KDM5A: variants seen among roughly 807,000 people sequenced by gnomAD.
KDM5A encodes lysine demethylase 5A.
Under a neutral mutation model 193.5 loss-of-function variants are expected in KDM5A, and 42 were observed. That is an observed-to-expected ratio of 0.22 (90% CI 0.17 to 0.28). The LOEUF is 0.28. Among genes scored for constraint, KDM5A ranks in the 10% least tolerant of loss-of-function variants. KDM5A has a pLI of 1.00. For synonymous variants in KDM5A, 796 were observed against 718.1 expected, an observed-to-expected ratio of 1.11 and a Z score of -1.73; for missense variants, 1,692 against 2,055.1, an observed-to-expected ratio of 0.82 and a Z score of 3.42.
chr12:383,959 C>G, intron 3 of KDM5A, 72 bp downstream of exon 3: 1 of 1,482,404 alleles, frequency 6.7e-7, no homozygotes, highest in Non-Finnish European at 9.4e-7. Flanking sequence ...AGCAATGTTT[C>G]CTACCAAATC....
At chr12:360,876 A>G (rs1299102957) in intron 5 of KDM5A, among the ~76,000 whole-genome samples, 4 of 152,166 alleles carry the variant, frequency 2.6e-5, no homozygotes, top group African/African-American at 4.8e-5. Flanking sequence ...TGAAATCACT[A>G]AAGATGCCAG....
Position 365,954 on chromosome 12 carries a change from G to T in KDM5A, c.517C>A (p.Gln173Lys), listed in dbSNP as rs1444378787. 6.2e-7 allele frequency: 1 copy of T among 1,613,906 alleles called. No individual in the cohort carries two copies. Among genetic ancestry groups the T allele is most frequent in the Non-Finnish European group, 8.5e-7 (1 of 1,179,842 alleles). ...CTCACCATAAGGCTCACACCAGACT[G>T]GAAAAGCTCATATGGGTAGAGAATT... ...ERILYPYELF[Q>K]SGVSLMGVQM... is the part of the protein sequence containing the mutation. The change falls in exon 4 of 28, where the codon CAG becomes AAG. Residue 173 changes from glutamine (Q) to lysine (K), a missense_variant. Coordinates refer to ENST00000399788, the MANE Select transcript of KDM5A (RefSeq NM_001042603.3).
rs991345182 is a variant in KDM5A at position 283,405 on chromosome 12, A to C, written c.*2051T>G. 2 of 232,890 alleles carry C rather than the reference A, an allele frequency of 8.6e-6. No homozygotes were observed. Among genetic ancestry groups the C allele is most frequent in the Non-Finnish European group, 1.7e-5 (2 of 117,612 alleles). 14.4% of individuals were successfully genotyped at this position (232,890 alleles called of 1,614,324 possible). On this transcript the variant is annotated 3_prime_UTR_variant, in exon 28 of 28. Coordinates refer to ENST00000399788, the MANE Select transcript of KDM5A (RefSeq NM_001042603.3). ...ACAAACTTACTTCAGATGAGACCTC[A>C]AGACATATGCACAGCAACACTAACA... is the stretch of plus-strand genomic sequence containing the variant.
rs571450921 is a variant in KDM5A at position 353,822 on chromosome 12, T to G, written c.1029+254A>C. On this transcript the variant is annotated intron_variant, in intron 8 of 27. Transcript: ENST00000399788. ...CTGTAGTCCCAGCTACTTCGGAGGCTGAGGCAGGAGAATCACTTGAACCCG... is the reference window on the plus strand; with the variant it reads ...CTGTAGTCCCAGCTACTTCGGAGGCGGAGGCAGGAGAATCACTTGAACCCG... Among the ~76,000 whole-genome samples the G allele has an allele frequency of 5.3e-5, 8 of 150,936 alleles. No individual in the cohort carries two copies. The South Asian group carries it at 1.0e-3, about 20-fold the overall frequency.
intron 12 of KDM5A, 62 bp downstream of exon 12, chr12:333,425 A>C: frequency 6.3e-7 from 1 of 1,593,794 alleles, no homozygotes; most frequent in African/African-American, 1.3e-5. Flanking sequence ...TTTCAAAAAA[A>C]AAGAAAAAAG....
At chr12:290,297 A>G (rs1438110604) in intron 27 of KDM5A, among the ~76,000 whole-genome samples, 7 of 152,236 alleles carry the variant, frequency 4.6e-5, no homozygotes, top group African/African-American at 1.7e-4. Context: ...TAAAAACTGC[A>G]AAACAGCAGT....
Position 292,970 on chromosome 12 carries a change from G to A in KDM5A, c.4655C>T (p.Ala1552Val). The change falls in exon 27 of 28, where the codon GCC becomes GTC. Residue 1552 changes from alanine to valine, a missense_variant. Transcript: ENST00000399788. Reference sequence around the variant, plus strand: ...CTCTTCTTCTTTTGCTAGTTTCTTGGCCAGTTTATTCAGCTCCTTTGATTT... The same window carrying A: ...CTCTTCTTCTTTTGCTAGTTTCTTGACCAGTTTATTCAGCTCCTTTGATTT... The part of the protein sequence containing the change: ...ADKSKELNKL[A>V]KKLAKEEERK... 1 of 1,612,380 alleles carries A rather than the reference G, an allele frequency of 6.2e-7. No homozygotes were observed. The highest frequency in any genetic ancestry group is 2.2e-5 in the East Asian group (1 of 44,882).
rs368904471 is a variant in KDM5A, at chr12:353,749, T to C, written c.1029+327A>G. 1.6e-4 allele frequency among the ~76,000 whole-genome samples: 24 copies of C among 151,948 alleles called. No individual in the cohort carries two copies. In the East Asian group the frequency reaches 3.1e-3, roughly 20 times the overall value. ...TATCCTGGCCAACATGGTGAAACCA[T>C]GGTCTCTACTAAAAATACAAAAATT... On this transcript the variant is annotated intron_variant, in intron 8 of 27. Transcript: ENST00000399788.
chr12:337,746 G>A (rs980651603), intron 10 of KDM5A, among the ~76,000 whole-genome samples: 1 of 151,296 alleles, frequency 6.6e-6, no homozygotes, highest in Non-Finnish European at 1.5e-5. Flanking sequence ...GGGTTCAAGC[G>A]ATTCTCCTGC....
At chr12:386,244 A>G (rs1397848225) in intron 1 of KDM5A, among the ~76,000 whole-genome samples, 3 of 152,234 alleles carry the variant, frequency 2.0e-5, no homozygotes, top group South Asian at 2.1e-4. Flanking sequence ...ACATAATGAG[A>G]TATCTTGGAG....
intron 21 of KDM5A, 37 bp downstream of exon 21, chr12:310,848 T>C: frequency 6.2e-7 from 1 of 1,600,994 alleles, no homozygotes; most frequent in Non-Finnish European, 8.6e-7. Context: ...ACTACTTAAA[T>C]TATCAGCTGC....
rs772928341 is a variant in KDM5A at position 333,508 on chromosome 12, C to G, written c.1632G>C (p.Val544=). 1 of 1,614,040 alleles carries G rather than the reference C, an allele frequency of 6.2e-7. No individual in the cohort carries two copies. Among genetic ancestry groups the G allele is most frequent in the Non-Finnish European group, 8.5e-7 (1 of 1,180,034 alleles). The change falls in exon 12 of 28, where the codon GTG becomes GTC. Residue 544 remains valine, a synonymous_variant. Coordinates refer to ENST00000399788, the MANE Select transcript of KDM5A (RefSeq NM_001042603.3). ...TCACAGGCACACCATGCTCCATTAG[C>G]ACGTTGGGGTTCATGATGGTAACTA... ...HQLVTIMNPN[V]LMEHGVPVYR... is the part of the protein sequence containing the mutation.
At chr12:353,989 A>G in intron 8 of KDM5A, 87 bp downstream of exon 8, 1 of 1,032,134 alleles carries the variant, frequency 9.7e-7, no homozygotes, top group South Asian at 1.3e-5. Flanking sequence ...AAAAGGAAAC[A>G]TATTTGGGAA....
intron 2 of KDM5A, 111 bp from the exon 3 acceptor site, chr12:384,264 T>C: frequency 2.4e-6 from 2 of 819,468 alleles, no homozygotes; most frequent in Admixed American, 1.8e-5. Flanking sequence ...AGCGGCCTGT[T>C]AGGAACCCAG....
At chr12:321,565 G>C (rs1943717709) in intron 17 of KDM5A, among the ~76,000 whole-genome samples, 1 of 152,198 alleles carries the variant, frequency 6.6e-6, no homozygotes, top group South Asian at 2.1e-4. Flanking sequence ...CAAGTTAAGA[G>C]CTGCTGATCA....
chr12:367,962 TCAAA>T (rs542120594), intron 3 of KDM5A, among the ~76,000 whole-genome samples: 27 of 152,122 alleles, frequency 1.8e-4, no homozygotes, highest in African/African-American at 3.6e-4. Context: ...AAGGAGGGAC[TCAAA>T]CAGATTCTTG....
At chr12:387,710 G>T (rs1285744574) in intron 1 of KDM5A, among the ~76,000 whole-genome samples, 1 of 152,186 alleles carries the variant, frequency 6.6e-6, no homozygotes, top group Non-Finnish European at 1.5e-5. Context: ...AACTTATCCA[G>T]ATTAGCCTCA....
intron 4 of KDM5A, among the ~76,000 whole-genome samples, chr12:364,534 C>T (rs927525995): frequency 6.0e-5 from 9 of 150,918 alleles, no homozygotes; most frequent in Admixed American, 6.0e-4. Flanking sequence ...ACCTGTAATC[C>T]CAGCACTTTG....
intron 18 of KDM5A, among the ~76,000 whole-genome samples, chr12:320,213 T>C (rs757862276): frequency 9.9e-5 from 15 of 152,248 alleles, no homozygotes; most frequent in Middle Eastern, 3.4e-3. Flanking sequence ...AAAACTATTT[T>C]AGGCCGGGTG....
Sources: allele counts gnomAD v4.1 joint callset (sites outside exome capture counted in the v4.1 genomes callset), GRCh38; gene constraint gnomAD v4.1.1; transcripts MANE v1.5; gene names NCBI Gene and HGNC (gene_info 2026-07-23, HGNC 2026-07-21).